The following PIEZO2 variants were observed in gnomAD, a reference collection of about 807,000 sequenced individuals.
PIEZO2 encodes the protein piezo type mechanosensitive ion channel component 2.
PIEZO2 carries 172 observed loss-of-function variants against 337.3 expected under a neutral mutation model. The observed-to-expected ratio is 0.51, with a 90% CI of 0.45 to 0.58. The LOEUF (loss-of-function observed/expected upper bound fraction) is 0.58, where lower values mean the gene tolerates loss of function less well. Among genes scored for constraint, PIEZO2 ranks in the 20% least tolerant of loss-of-function variants. PIEZO2 has a pLI of 0.00. For missense variants in PIEZO2, 3,028 were observed against 3,391.3 expected (o/e 0.89, Z 2.66); for synonymous variants, 1,251 against 1,228.5 (o/e 1.02, Z -0.38).
intron 18 of PIEZO2, among the ~76,000 whole-genome samples, chr18:10,779,863 G>C (rs543616526): frequency 6.6e-6 from 1 of 152,174 alleles, no homozygotes; most frequent in Non-Finnish European, 1.5e-5. Flanking sequence ...ATCAGACAGA[G>C]GACCGGAAGG....
chr18:11,104,806 G>A lies in PIEZO2; in HGVS notation c.65-38584C>T, dbSNP rs116742532. On this transcript the variant is annotated intron_variant, in intron 1 of 55. Coordinates refer to ENST00000674853, the MANE Select transcript of PIEZO2 (RefSeq NM_001378183.1). This position sits in a 1 kb window ranked among gnomAD's most constrained non-coding sequence, Gnocchi z 4.6. ...TATAACGGCGCCTGCTTCTCTTGGGGACCACTCTCCTCCATCATGCTTGAT... is the reference window on the plus strand; with the variant it reads ...TATAACGGCGCCTGCTTCTCTTGGGAACCACTCTCCTCCATCATGCTTGAT... Among the ~76,000 whole-genome samples, 5 of 152,148 alleles carry A rather than the reference G, an allele frequency of 3.3e-5. No individual in the cohort carries two copies.
At chr18:10,679,130 C>T (rs763138702) in intron 52 of PIEZO2, among the ~76,000 whole-genome samples, 23 of 152,042 alleles carry the variant, frequency 1.5e-4, no homozygotes, top group African/African-American at 4.8e-4. Context: ...GACAGAGTTT[C>T]GCCATGTTGG....
chr18:11,040,357 C>T (rs1320645522), intron 2 of PIEZO2, among the ~76,000 whole-genome samples: 3 of 152,000 alleles, frequency 2.0e-5, no homozygotes, highest in East Asian at 1.9e-4. Flanking sequence ...TTCTTTATAT[C>T]TTAAGTCCTA....
At chr18:10,738,238 G>A (rs968335726) in intron 33 of PIEZO2, 1 of 152,204 alleles carries the variant, frequency 6.6e-6, no homozygotes, top group Non-Finnish European at 1.5e-5. Flanking sequence ...GCAGGAAAGT[G>A]ATGTGGACTC....
chr18:10,757,871 G>A (rs1218839586), intron 27 of PIEZO2, 98 bp downstream of exon 27: 1 of 1,247,398 alleles, frequency 8.0e-7, no homozygotes, highest in African/African-American at 1.5e-5. Context: ...CAATTCAGCA[G>A]ATCTGTTTCC....
intron 3 of PIEZO2, among the ~76,000 whole-genome samples, chr18:10,933,521 G>A (rs542937723): frequency 6.0e-4 from 91 of 152,236 alleles, no homozygotes; most frequent in African/African-American, 2.0e-3. Context: ...TCCCGCTACC[G>A]TGGGAATACA....
chr18:10,703,882 G>A (rs775535319), intron 42 of PIEZO2, among the ~76,000 whole-genome samples: 1 of 148,364 alleles, frequency 6.7e-6, no homozygotes, highest in South Asian at 2.2e-4. Flanking sequence ...GGAACTTTAC[G>A]TTTACGTTTA....
intron 7 of PIEZO2, among the ~76,000 whole-genome samples, chr18:10,844,788 C>CAAAAAAAAAAAA: frequency 8.6e-6 from 1 of 116,754 alleles, no homozygotes; most frequent in Admixed American, 8.7e-5. Context: ...GACTCTGTCT[C>CAAAAAAAAAAAA]AAAAAAAAAA....
chr18:11,132,415 A>G lies in PIEZO2; in HGVS notation c.64+16110T>C, dbSNP rs1414137647. Among the ~76,000 whole-genome samples the G allele has an allele frequency of 1.3e-5, 2 of 152,198 alleles. No individual in the cohort carries two copies. The highest frequency in any genetic ancestry group is 2.9e-5 in the Non-Finnish European group (2 of 68,026). On this transcript the variant is annotated intron_variant, in intron 1 of 55. Transcript: ENST00000674853. The surrounding 1 kb of genome is among the most constrained non-coding windows in gnomAD (Gnocchi z 4.7). ...GGAATGGCCTTTTGAAGTCACAATTACAATGCCAGCTAGGTAACAGTACTT... is the reference window on the plus strand; with the variant it reads ...GGAATGGCCTTTTGAAGTCACAATTGCAATGCCAGCTAGGTAACAGTACTT...
Position 10,762,521 on chromosome 18 carries a change from C to A in PIEZO2, c.3228G>T (p.Ser1076=). The part of the protein sequence containing the change: ...PTEWVGLRKS[S]PLLVYLRNNL... The stretch of plus-strand genomic sequence containing the variant: ...TTACCCTCAGGTAGACTAGCAGAGG[C>A]GAAGACTTCCGCAGGCCGACCCACT... Residue 1076 remains serine, a synonymous_variant, in exon 23 of 56, where the codon TCG becomes TCT. Coordinates refer to ENST00000674853, the MANE Select transcript of PIEZO2 (RefSeq NM_001378183.1). 6.5e-7 allele frequency: 1 copy of A among 1,537,212 alleles called. No homozygotes were observed. Among genetic ancestry groups the A allele is most frequent in the Non-Finnish European group, 8.7e-7 (1 of 1,146,908 alleles).
At chr18:11,065,452 G>C (rs2625363) in intron 2 of PIEZO2, among the ~76,000 whole-genome samples, 107,785 of 152,184 alleles carry the variant, frequency 0.71, 38,647 homozygotes, top group East Asian at 0.99. Context: ...GACAGAACTT[G>C]AAGTTGAAAA....
chr18:10,811,994 C>T (rs1171616327), intron 7 of PIEZO2, among the ~76,000 whole-genome samples: 2 of 152,298 alleles, frequency 1.3e-5, no homozygotes, highest in Non-Finnish European at 2.9e-5. Context: ...CCACCACGCC[C>T]GGCTAACTTT....
intron 41 of PIEZO2, among the ~76,000 whole-genome samples, chr18:10,704,986 C>T (rs750146331): frequency 3.9e-5 from 6 of 152,202 alleles, no homozygotes; most frequent in South Asian, 2.1e-4. Context: ...CCACTGCGCC[C>T]GGCCATGCCT....
chr18:10,833,811 T>TA lies in PIEZO2; in HGVS notation c.917+21541dup, dbSNP rs1195917099. On this transcript the variant is annotated intron_variant, in intron 7 of 55. Transcript: ENST00000674853. This position sits in a 1 kb window ranked among gnomAD's most constrained non-coding sequence, Gnocchi z 4.7. ...AAAATGCATCTGCAAATCCTTTGTT[T>TA]AAAAAACGCATTAGGCTGCCCTTTC... Among the ~76,000 whole-genome samples, 1 of 152,230 alleles carries TA rather than the reference T, an allele frequency of 6.6e-6. No individual in the cohort carries two copies. The highest frequency in any genetic ancestry group is 1.5e-5 in the Non-Finnish European group (1 of 68,036).
At chr18:10,879,899 G>C (rs1471801494) in intron 4 of PIEZO2, among the ~76,000 whole-genome samples, 1 of 152,144 alleles carries the variant, frequency 6.6e-6, no homozygotes, top group African/African-American at 2.4e-5. Flanking sequence ...GTCTACATCT[G>C]TGAATATGAG....
chr18:10,843,317 G>A (rs1030435064), intron 7 of PIEZO2, among the ~76,000 whole-genome samples: 3 of 148,596 alleles, frequency 2.0e-5, no homozygotes, highest in Non-Finnish European at 3.0e-5. Flanking sequence ...TTTCTTATAC[G>A]CTCACACTTT....
At position 10,746,919 on chromosome 18, in the gene PIEZO2, C is replaced by T. The variant is rs8086878; in HGVS notation, c.4424+1552G>A. 0.63 allele frequency among the ~76,000 whole-genome samples: 95,908 copies of T among 151,726 alleles called. 32,399 individuals are homozygous for T. The highest frequency in any genetic ancestry group is 0.89 in the African/African-American group (36,719 of 41,404). ...TTATGTCCGCCCAAATGGACTGAGACGATACCAGGTGTACTGTAGTAGAAT... is the reference window on the plus strand; with the variant it reads ...TTATGTCCGCCCAAATGGACTGAGATGATACCAGGTGTACTGTAGTAGAAT... On this transcript the variant is annotated intron_variant, in intron 30 of 55. Coordinates refer to ENST00000674853, the MANE Select transcript of PIEZO2 (RefSeq NM_001378183.1). The surrounding 1 kb of genome is among the most constrained non-coding windows in gnomAD (Gnocchi z 4.2).
chr18:11,075,786 CTTTTTTTT>C (rs147029235), intron 1 of PIEZO2, among the ~76,000 whole-genome samples: 1 of 125,256 alleles, frequency 8.0e-6, no homozygotes, highest in Non-Finnish European at 1.7e-5. Flanking sequence ...AGATATATTT[CTTTTTTTT>C]TTTTTTTTTT....
intron 1 of PIEZO2, among the ~76,000 whole-genome samples, chr18:11,142,381 T>C (rs950781586): frequency 2.0e-5 from 3 of 152,248 alleles, no homozygotes; most frequent in African/African-American, 7.2e-5. Context: ...ATGTTGAGTA[T>C]GTACTTCTCA....
Sources: allele counts gnomAD v4.1 joint callset (sites outside exome capture counted in the v4.1 genomes callset), GRCh38; gene constraint gnomAD v4.1.1; non-coding constraint Gnocchi (gnomAD v3.1); transcripts MANE v1.5; gene names NCBI Gene and HGNC (gene_info 2026-07-23, HGNC 2026-07-21).